The following MLXIPL variants were observed in gnomAD, a reference collection of about 807,000 sequenced individuals.
The protein encoded by MLXIPL is MLX interacting protein like.
MLXIPL carries 49 observed loss-of-function variants against 81.5 expected under a neutral mutation model. That is an observed-to-expected ratio of 0.60 (90% CI 0.48 to 0.76). MLXIPL has a LOEUF of 0.76. Ranked by LOEUF, MLXIPL falls within the 30% of genes least tolerant of loss-of-function variation. MLXIPL has a pLI of 0.00. For synonymous variants in MLXIPL, 466 were observed against 485.5 expected (o/e 0.96, Z 0.53); for missense variants, 1,053 against 1,167.0 (o/e 0.90, Z 1.42).
At chr7:73,594,782 C>T (rs565828349) in intron 15 of MLXIPL, among the ~76,000 whole-genome samples, 23 of 150,950 alleles carry the variant, frequency 1.5e-4, no homozygotes, top group South Asian at 8.4e-4. Flanking sequence ...CTCCTGACCT[C>T]GTGATCCACC....
chr7:73,616,952 G>A (rs953869441), intron 1 of MLXIPL, among the ~76,000 whole-genome samples: 2 of 152,104 alleles, frequency 1.3e-5, no homozygotes, highest in Non-Finnish European at 2.9e-5. Flanking sequence ...CAAAGGGGAT[G>A]GCCATGGTTT....
chr7:73,622,537 T>C (rs1796450825), intron 1 of MLXIPL, among the ~76,000 whole-genome samples: 2 of 149,954 alleles, frequency 1.3e-5, no homozygotes, highest in Admixed American at 1.3e-4. Context: ...AGGTTCTCAG[T>C]ATGTTGCCCA....
rs782330204 is a variant in MLXIPL, at chr7:73,596,854, C to G, written c.1671+11G>C. The G allele has an allele frequency of 1.9e-6, 3 of 1,610,566 alleles. No individual in the cohort carries two copies. The highest frequency in any genetic ancestry group is 2.7e-5 in the African/African-American group (2 of 74,832). On this transcript the variant is annotated intron_variant, in intron 10 of 16. Transcript: ENST00000313375. The surrounding 1 kb of genome is among the most constrained non-coding windows in gnomAD (Gnocchi z 4.7). ...GGGCACAGCCCCACCGCCCAGTGCCCGAGATCTTACCGGGGACCCTGGGGA... is the reference window on the plus strand; with the variant it reads ...GGGCACAGCCCCACCGCCCAGTGCCGGAGATCTTACCGGGGACCCTGGGGA...
At chr7:73,607,102 C>T (rs112887518) in intron 4 of MLXIPL, 84 bp from the exon 5 acceptor site, 1 of 1,524,638 alleles carries the variant, frequency 6.6e-7, no homozygotes, top group Non-Finnish European at 9.0e-7. Flanking sequence ...TACTCACAAG[C>T]GATGAGATCC....
At position 73,606,408 on chromosome 7, in the gene MLXIPL, T is replaced by C. The variant is rs187599465; in HGVS notation, c.619-297A>G. ...TTGGTCCCTCTGGTTTTTTTTTTTGTTTGTTTTCTTTTTCTTTTTCTTTTT... is the reference window on the plus strand; with the variant it reads ...TTGGTCCCTCTGGTTTTTTTTTTTGCTTGTTTTCTTTTTCTTTTTCTTTTT... On this transcript the variant is annotated intron_variant, in intron 5 of 16. Coordinates refer to ENST00000313375, the MANE Select transcript of MLXIPL (RefSeq NM_032951.3). 6.7e-3 allele frequency: 3,286 copies of C among 492,410 alleles called. 103 individuals carry two copies. Among genetic ancestry groups the C allele is most frequent in the African/African-American group, 0.06 (3,035 of 50,572 alleles). The allele number at this position is 492,410 out of a possible 1,614,324, so 30.5% of individuals were successfully genotyped here. A position where few individuals can be genotyped will look rare whatever the true frequency, so the allele number is the denominator to read the frequency against.
At position 73,595,820 on chromosome 7, in the gene MLXIPL, C is replaced by T. The variant is rs781868749; in HGVS notation, c.2186+22G>A. The T allele has an allele frequency of 1.9e-6, 3 of 1,589,656 alleles. No homozygotes were observed. In the South Asian group the frequency reaches 3.4e-5, roughly 18 times the overall value. On this transcript the variant is annotated intron_variant, in intron 14 of 16. Transcript: ENST00000313375. ...AGGCGGCATGGCCCCCTGGTCCCAG[C>T]ACCCGCCTGGACCCTGCCTACTTAA...
the MLXIPL span, among the ~76,000 whole-genome samples, chr7:73,644,106 C>G: frequency 1.3e-5 from 2 of 152,078 alleles, no homozygotes; most frequent in Non-Finnish European, 2.9e-5. Context: ...CTAGGCTGCC[C>G]AGACTGGTCC....
At chr7:73,614,525 G>A (rs1217874587) in intron 2 of MLXIPL, among the ~76,000 whole-genome samples, 1 of 152,190 alleles carries the variant, frequency 6.6e-6, no homozygotes, top group Non-Finnish European at 1.5e-5. Flanking sequence ...AGAATACTGC[G>A]TGTGGTCTCT....
chr7:73,647,677 G>A, the MLXIPL span, among the ~76,000 whole-genome samples: 1 of 152,134 alleles, frequency 6.6e-6, no homozygotes, highest in Non-Finnish European at 1.5e-5. Context: ...GCCTCTATGG[G>A]CAGAGGGGAA....
At chr7:73,601,176 AGT>A (rs55639253) in intron 7 of MLXIPL, among the ~76,000 whole-genome samples, 13,495 of 137,260 alleles carry the variant, frequency 0.098, 732 homozygotes, top group Non-Finnish European at 0.14. Context: ...TGCAGGGTCA[AGT>A]GTGTGTGTGT....
chr7:73,599,910 C>T lies in MLXIPL; in HGVS notation c.902-215G>A, dbSNP rs73137052. ...AACCGTCTTGGGTGGAATGAGCTTGCGTGGGAGAGAGCAGGGGACTGTGGA... is the reference window on the plus strand; with the variant it reads ...AACCGTCTTGGGTGGAATGAGCTTGTGTGGGAGAGAGCAGGGGACTGTGGA... On this transcript the variant is annotated intron_variant, in intron 7 of 16. Transcript: ENST00000313375. Among the ~76,000 whole-genome samples the T allele has an allele frequency of 3.5e-3, 535 of 152,018 alleles. 1 individual carries two copies. Among genetic ancestry groups the T allele is most frequent in the Non-Finnish European group, 4.2e-3 (285 of 67,960 alleles).
chr7:73,606,918 C>T, intron 5 of MLXIPL, 56 bp downstream of exon 5: 1 of 1,591,094 alleles, frequency 6.3e-7, no homozygotes, highest in Non-Finnish European at 8.6e-7. Flanking sequence ...CTCTGCCTCC[C>T]ATCTACTTGG....
At chr7:73,638,445 C>T in the MLXIPL span, among the ~76,000 whole-genome samples, 1 of 152,224 alleles carries the variant, frequency 6.6e-6, no homozygotes, top group South Asian at 2.1e-4. Context: ...GCTGGGATGG[C>T]TAATTTTTGT....
chr7:73,594,058 G>A, intron 16 of MLXIPL, 75 bp from the exon 17 acceptor site: 6 of 1,432,018 alleles, frequency 4.2e-6, no homozygotes, highest in Non-Finnish European at 5.9e-6. Context: ...GGAACCAAAG[G>A]GATAGGGGGA....
intron 9 of MLXIPL, 46 bp downstream of exon 9, chr7:73,597,136 C>T (rs1554594447): frequency 1.3e-6 from 2 of 1,552,886 alleles, no homozygotes; most frequent in Non-Finnish European, 1.7e-6. Context: ...TCCCCACCCC[C>T]TGGCCTCCCT....
In MLXIPL at chr7:73,624,146, C is replaced by A. The variant is rs548821604; in HGVS notation, c.293+54G>T. ...CAGCGCGCAGTCCTGCCCCGGACCC[C>A]CCCCCCATCCCCACCTGGAAGCCAA... is the stretch of plus-strand genomic sequence containing the variant. On this transcript the variant is annotated intron_variant, in intron 1 of 16. Transcript: ENST00000313375. The A allele has an allele frequency of 8.2e-5, 119 of 1,447,082 alleles. 2 individuals carry two copies. The highest frequency in any genetic ancestry group is 1.1e-4 in the South Asian group (8 of 75,124). 89.6% of individuals were successfully genotyped at this position (1,447,082 alleles called of 1,614,324 possible).
chr7:73,606,785 C>A, intron 5 of MLXIPL, 189 bp downstream of exon 5: 1 of 665,712 alleles, frequency 1.5e-6, no homozygotes, highest in Non-Finnish European at 2.6e-6. Flanking sequence ...GTCTTCTCAC[C>A]ACCTCACCCT....
chr7:73,594,007 A>T, intron 16 of MLXIPL, 24 bp from the exon 17 acceptor site: 5 of 1,591,496 alleles, frequency 3.1e-6, no homozygotes, highest in Non-Finnish European at 4.3e-6. Flanking sequence ...AGAGAGAGAG[A>T]GACAGACACT....
At chr7:73,637,473 T>C in the MLXIPL span, among the ~76,000 whole-genome samples, 1 of 149,574 alleles carries the variant, frequency 6.7e-6, no homozygotes, top group Non-Finnish European at 1.5e-5. Context: ...AGACTCTGTC[T>C]GGAAAAAAAA....
Sources: gnomAD v4.1 joint callset for allele counts (sites outside exome capture counted in the v4.1 genomes callset) on GRCh38, gnomAD v4.1.1 for gene constraint, Gnocchi (gnomAD v3.1) non-coding constraint, MANE v1.5 for transcripts, NCBI Gene and HGNC (gene_info 2026-07-23, HGNC 2026-07-21) for gene names.